The following ITPR1 variants were observed in gnomAD, a reference collection of about 807,000 sequenced individuals.
The protein encoded by ITPR1 is inositol 1,4,5-trisphosphate receptor type 1.
ITPR1 carries 96 observed loss-of-function variants against 318.4 expected under a neutral mutation model. The ratio of observed to expected loss-of-function variants is 0.30; its 90% CI spans 0.26 to 0.36. The LOEUF is 0.36. ITPR1 is among the 10% of genes least tolerant of loss of function. The pLI, the probability that ITPR1 is intolerant of heterozygous loss-of-function variation, is 1.00. For missense variants in ITPR1, 2,440 were observed against 3,460.2 expected (o/e 0.71, Z 7.40); for synonymous variants, 1,312 against 1,289.9 (o/e 1.02, Z -0.37).
At position 4,836,898 on chromosome 3, in the gene ITPR1, C is replaced by T. The variant is rs773363106; in HGVS notation, c.8153C>T (p.Thr2718Met). 16 of 1,596,040 alleles carry T rather than the reference C, an allele frequency of 1.0e-5. No homozygotes were observed. The highest frequency in any genetic ancestry group is 5.6e-5 in the South Asian group (5 of 89,158). The change falls in exon 61 of 62, where the codon ACG (threonine) becomes ATG (methionine). Residue 2718 changes from threonine (T) to methionine (M), a missense_variant. This residue lies in a region of ITPR1 where 63 missense variants were observed against 63.4 expected (regional missense o/e 0.99). Coordinates refer to ENST00000649015, the MANE Select transcript of ITPR1 (RefSeq NM_001378452.1). ...CTGGAGTCCACCATGAAACTTGTCA[C>T]GAACCTTTCTGGCCAGCTGTCGGAA... Reference protein sequence around the residue: ...EKLESTMKLVTNLSGQLSELK... With the variant: ...EKLESTMKLVMNLSGQLSELK...
intron 4 of ITPR1, among the ~76,000 whole-genome samples, chr3:4,537,674 G>T (rs1223170619): frequency 6.6e-6 from 1 of 152,206 alleles, no homozygotes; most frequent in African/African-American, 2.4e-5. Context: ...ATAGGTTGGA[G>T]TGATGTAGCC....
At chr3:4,556,105 G>T (rs2125008337) in intron 4 of ITPR1, among the ~76,000 whole-genome samples, 1 of 152,230 alleles carries the variant, frequency 6.6e-6, no homozygotes, top group East Asian at 1.9e-4. Context: ...TTCTAATTTA[G>T]TTAAAAAACT....
At position 4,691,313 on chromosome 3, in the gene ITPR1, T is replaced by C; in HGVS notation, c.3998T>C (p.Ile1333Thr). The C allele has an allele frequency of 6.2e-7, 1 of 1,613,132 alleles. No homozygotes were observed. The highest frequency in any genetic ancestry group is 8.5e-7 in the Non-Finnish European group (1 of 1,179,214). Residue 1333 changes from isoleucine (I) to threonine (T), a missense_variant, in exon 32 of 62, where the codon ATT (isoleucine) becomes ACT (threonine). By Grantham distance (89) the Ile-to-Thr change is moderately conservative (BLOSUM62 -1). Around this residue, in one of 23 missense-constraint regions of ITPR1, gnomAD observed 222 missense variants for 318.8 expected, o/e 0.70. Transcript: ENST00000649015. ...QTIVKAEGKF[I>T]KKCQDMVMAE... ...ATTGTCAAGGCAGAAGGGAAATTTA[T>C]TAAAAAATGCCAAGACATGGTTATG...
At position 4,846,241 on chromosome 3, in the gene ITPR1, G is replaced by A. The variant is rs1165890711; in HGVS notation, c.*16G>A. 3 of 1,501,754 alleles carry A rather than the reference G, an allele frequency of 2.0e-6. No individual in the cohort carries two copies. The Admixed American group carries it at 5.9e-5, about 29-fold the overall frequency. The allele number at this position is 1,501,754 out of a possible 1,614,324, so 93.0% of individuals were successfully genotyped here. ...ACCAGCATAAGCAAATGAAAGAAAG[G>A]AATTGTATTTACCTTTTATAATTAT... On this transcript the variant is annotated 3_prime_UTR_variant, in exon 62 of 62. Transcript: ENST00000649015.
At chr3:4,742,187 C>G (rs1044742899) in intron 44 of ITPR1, among the ~76,000 whole-genome samples, 3 of 152,184 alleles carry the variant, frequency 2.0e-5, no homozygotes, top group Non-Finnish European at 4.4e-5. Flanking sequence ...CTCCAGACCA[C>G]AATATTTGTG....
chr3:4,527,152 C>G (rs1265069267), intron 4 of ITPR1, among the ~76,000 whole-genome samples: 1 of 152,100 alleles, frequency 6.6e-6, no homozygotes, highest in Non-Finnish European at 1.5e-5. Context: ...GAGCCCTCTT[C>G]CAAAGGCTGG....
chr3:4,737,103 A>AT (rs894674092), intron 44 of ITPR1, among the ~76,000 whole-genome samples: 23 of 150,478 alleles, frequency 1.5e-4, no homozygotes, highest in South Asian at 6.4e-4. Context: ...TGGATGATAG[A>AT]TTTTTTTTTT....
At chr3:4,597,760 A>C (rs1476536667) in intron 4 of ITPR1, among the ~76,000 whole-genome samples, 1 of 152,172 alleles carries the variant, frequency 6.6e-6, no homozygotes, top group Non-Finnish European at 1.5e-5. Flanking sequence ...ACCTGGTGTG[A>C]TATGTGATCC....
chr3:4,612,677 A>G (rs1423905629), intron 4 of ITPR1, among the ~76,000 whole-genome samples: 1 of 152,024 alleles, frequency 6.6e-6, no homozygotes, highest in Non-Finnish European at 1.5e-5. Flanking sequence ...ACCTGAGGTC[A>G]GGAGTTTGAG....
chr3:4,675,992 C>T (rs746468115), intron 23 of ITPR1, among the ~76,000 whole-genome samples: 2 of 151,984 alleles, frequency 1.3e-5, no homozygotes, highest in Non-Finnish European at 1.5e-5. Flanking sequence ...AGGATTTGTA[C>T]CTTGTTAACT....
intron 12 of ITPR1, among the ~76,000 whole-genome samples, chr3:4,655,198 G>C (rs2093678874): frequency 6.6e-6 from 1 of 152,124 alleles, no homozygotes. Context: ...TCAAGAGAAG[G>C]AGCTGCCTCT....
At chr3:4,608,187 C>G (rs2091836161) in intron 4 of ITPR1, among the ~76,000 whole-genome samples, 1 of 152,164 alleles carries the variant, frequency 6.6e-6, no homozygotes. Context: ...AGCAGTTTTA[C>G]CCTGGCAATT....
At chr3:4,610,645 A>T (rs2092012372) in intron 4 of ITPR1, among the ~76,000 whole-genome samples, 1 of 152,134 alleles carries the variant, frequency 6.6e-6, no homozygotes, top group African/African-American at 2.4e-5. Context: ...GGTACTGAGG[A>T]TGTAGAGTTC....
chr3:4,821,674 A>G (rs1271802855), intron 60 of ITPR1, among the ~76,000 whole-genome samples: 1 of 152,216 alleles, frequency 6.6e-6, no homozygotes, highest in African/African-American at 2.4e-5. Flanking sequence ...CTGCTCAGCC[A>G]TGTAAAAACA....
rs117772327 is a variant in ITPR1 at position 4,766,244 on chromosome 3, T to C, written c.5545-286T>C. On this transcript the variant is annotated intron_variant, in intron 44 of 61. Transcript: ENST00000649015. Reference sequence around the variant, plus strand: ...GCGTGTGTGCAAGGGTGGAAGGGAATTGTTCTTAGTTGGCAACAGTCTGCC... The same window carrying C: ...GCGTGTGTGCAAGGGTGGAAGGGAACTGTTCTTAGTTGGCAACAGTCTGCC... Among the ~76,000 whole-genome samples, 105 of 152,312 alleles carry C rather than the reference T, an allele frequency of 6.9e-4. 2 individuals carry two copies. In the East Asian group the frequency reaches 0.019, roughly 28 times the overall value.
chr3:4,632,375 A>G (rs1268421684), intron 5 of ITPR1, among the ~76,000 whole-genome samples: 1 of 152,084 alleles, frequency 6.6e-6, no homozygotes, highest in Non-Finnish European at 1.5e-5. Context: ...GTAAATTCAG[A>G]TTCCTCTTGG....
chr3:4,622,756 G>A (rs1239982221), intron 4 of ITPR1, among the ~76,000 whole-genome samples: 1 of 152,216 alleles, frequency 6.6e-6, no homozygotes, highest in East Asian at 1.9e-4. Flanking sequence ...AATGAACACT[G>A]GGAAGCTTAG....
In ITPR1 at chr3:4,688,587, A is replaced by G. The variant is rs1417859810; in HGVS notation, c.3795A>G (p.Leu1265=). The change falls in exon 31 of 62, where the codon CTA becomes CTG. Residue 1265 remains leucine, a synonymous_variant. Transcript: ENST00000649015. ...CAGNQQNQAL[L]HKHINLFLNP... ...GCAACCAGCAGAATCAAGCTTTGCT[A>G]CATAAACACATAAACCTGTTTCTCA... 2.5e-6 allele frequency: 4 copies of G among 1,614,026 alleles called. No homozygotes were observed. The highest frequency in any genetic ancestry group is 2.5e-6 in the Non-Finnish European group (3 of 1,179,852).
chr3:4,817,314 A>T (rs1227685439), intron 59 of ITPR1: 1 of 152,220 alleles, frequency 6.6e-6, no homozygotes, highest in Non-Finnish European at 1.5e-5. Flanking sequence ...AGGGCTTATT[A>T]GGGTGCAGAT....
Sources: gnomAD v4.1 joint callset for allele counts (sites outside exome capture counted in the v4.1 genomes callset) on GRCh38, gnomAD v4.1.1 for gene constraint, gnomAD v4.1.1 regional missense constraint, MANE v1.5 for transcripts, NCBI Gene and HGNC (gene_info 2026-07-23, HGNC 2026-07-21) for gene names.